PARD3: variants seen among roughly 807,000 people sequenced by gnomAD.
The protein encoded by PARD3 is partitioning defective 3 homolog.
In PARD3, 75 loss-of-function variants were observed where a neutral mutation model predicts 155.4. The observed-to-expected ratio is 0.48, with a 90% CI of 0.40 to 0.58. PARD3 has a LOEUF of 0.58. PARD3 is among the 20% of genes least tolerant of loss of function. The probability of loss-of-function intolerance (pLI) is 0.00; values close to 1 mark genes in which losing one functional copy is unlikely to be tolerated. For missense variants in PARD3, 1,642 were observed against 1,721.7 expected, an observed-to-expected ratio of 0.95 and a Z score of 0.82; for synonymous variants, 576 against 610.5, an observed-to-expected ratio of 0.94 and a Z score of 0.83.
At position 34,455,153 on chromosome 10, in the gene PARD3, T is replaced by C. The variant is rs1007907962; in HGVS notation, c.583-4705A>G. On this transcript the variant is annotated intron_variant, in intron 4 of 24. Coordinates refer to ENST00000374788, the MANE Select transcript of PARD3 (RefSeq NM_001184785.2). ...ATTATAGAAGTCATAAACATTTCTG[T>C]GTTGGCACAGGAAACCCAACTATGT... Among the ~76,000 whole-genome samples, 8 of 152,300 alleles carry C rather than the reference T, an allele frequency of 5.3e-5. No homozygotes were observed. In the South Asian group the frequency reaches 1.2e-3, roughly 24 times the overall value.
At chr10:34,611,620 C>A (rs993046085) in intron 2 of PARD3, among the ~76,000 whole-genome samples, 4 of 152,042 alleles carry the variant, frequency 2.6e-5, no homozygotes, top group African/African-American at 9.6e-5. Context: ...TAAGGCAAAT[C>A]GGAATACAAT....
At chr10:34,619,516 T>C (rs1360733981) in intron 2 of PARD3, among the ~76,000 whole-genome samples, 1 of 152,240 alleles carries the variant, frequency 6.6e-6, no homozygotes, top group Non-Finnish European at 1.5e-5. Flanking sequence ...TTTTATTGTA[T>C]AGAATTATAA....
At chr10:34,399,906 C>G (rs1843714895) in intron 6 of PARD3, among the ~76,000 whole-genome samples, 1 of 152,160 alleles carries the variant, frequency 6.6e-6, no homozygotes, top group South Asian at 2.1e-4. Context: ...ACAAAGTGCT[C>G]TTTTATATGT....
intron 2 of PARD3, among the ~76,000 whole-genome samples, chr10:34,650,842 T>C (rs1006930807): frequency 6.6e-6 from 1 of 151,476 alleles, no homozygotes; most frequent in Non-Finnish European, 1.5e-5. Context: ...AGAAATCTCG[T>C]CCCTACTAAA....
At chr10:34,256,589 C>T (rs954337093) in intron 22 of PARD3, among the ~76,000 whole-genome samples, 3 of 152,210 alleles carry the variant, frequency 2.0e-5, no homozygotes, top group African/African-American at 4.8e-5. Context: ...AAAGGAATCA[C>T]CTTGGAGGCA....
intron 22 of PARD3, among the ~76,000 whole-genome samples, chr10:34,254,377 T>TCAAAAACAAAAACAAAAA (rs142761750): frequency 7.0e-6 from 1 of 142,958 alleles, no homozygotes; most frequent in Non-Finnish European, 1.6e-5. Context: ...AGACTCTGTC[T>TCAAAAACAAAAACAAAAA]CAAAAACAAA....
At chr10:34,470,051 C>T (rs940577043) in intron 4 of PARD3, 34 bp downstream of exon 4, 3 of 1,536,644 alleles carry the variant, frequency 2.0e-6, no homozygotes, top group African/African-American at 2.8e-5. Context: ...TCAGGAGGGG[C>T]AAGAGACAGC....
intron 20 of PARD3, among the ~76,000 whole-genome samples, chr10:34,303,880 C>A (rs1018017920): frequency 1.3e-5 from 2 of 152,086 alleles, no homozygotes; most frequent in African/African-American, 4.8e-5. Flanking sequence ...CTAACACAGT[C>A]TGCGGAAAAG....
At chr10:34,525,593 A>G (rs763796130) in intron 2 of PARD3, among the ~76,000 whole-genome samples, 6 of 152,228 alleles carry the variant, frequency 3.9e-5, no homozygotes, top group Non-Finnish European at 7.3e-5. Context: ...TCTGTGAACA[A>G]TTTAGCTTGA....
intron 20 of PARD3, among the ~76,000 whole-genome samples, chr10:34,300,159 C>T (rs758503241): frequency 2.0e-5 from 3 of 152,086 alleles, no homozygotes; most frequent in Non-Finnish European, 4.4e-5. Context: ...GACACTGTTG[C>T]CCTGAAAAAC....
chr10:34,370,599 T>G (rs577085362), intron 12 of PARD3, among the ~76,000 whole-genome samples: 38 of 152,242 alleles, frequency 2.5e-4, no homozygotes, highest in Admixed American at 4.6e-4. Context: ...CATCCCTATC[T>G]TTACTACTTA....
intron 1 of PARD3, among the ~76,000 whole-genome samples, chr10:34,705,045 A>G (rs1590738351): frequency 6.6e-6 from 1 of 152,196 alleles, no homozygotes; most frequent in South Asian, 2.1e-4. Context: ...TTTAAGCCAA[A>G]AACAAACATT....
chr10:34,596,042 A>G (rs1450939000), intron 2 of PARD3, among the ~76,000 whole-genome samples: 5 of 152,222 alleles, frequency 3.3e-5, no homozygotes, highest in African/African-American at 1.2e-4. Flanking sequence ...TTGAAAAACA[A>G]TGGAAGTGGG....
At chr10:34,396,743 A>T (rs2132145908) in intron 7 of PARD3, among the ~76,000 whole-genome samples, 1 of 152,258 alleles carries the variant, frequency 6.6e-6, no homozygotes, top group South Asian at 2.1e-4. Context: ...TATCATGAAT[A>T]TATATTATTG....
intron 5 of PARD3, among the ~76,000 whole-genome samples, chr10:34,432,668 T>C (rs554578727): frequency 6.6e-6 from 1 of 152,238 alleles, no homozygotes; most frequent in African/African-American, 2.4e-5. Flanking sequence ...GCCCTTTTTA[T>C]TAGGGACCAC....
At chr10:34,251,304 G>C (rs1415510905) in intron 22 of PARD3, among the ~76,000 whole-genome samples, 1 of 152,158 alleles carries the variant, frequency 6.6e-6, no homozygotes, top group Non-Finnish European at 1.5e-5. Flanking sequence ...AAACCTTTTA[G>C]CTTTGAAATG....
chr10:34,362,439 T>A (rs1453521285), intron 12 of PARD3, among the ~76,000 whole-genome samples: 1 of 152,248 alleles, frequency 6.6e-6, no homozygotes, highest in Non-Finnish European at 1.5e-5. Context: ...CTTTGCTCTA[T>A]AAACATGAAT....
chr10:34,750,286 G>A (rs1470029312), intron 1 of PARD3, among the ~76,000 whole-genome samples: 3 of 151,982 alleles, frequency 2.0e-5, no homozygotes, highest in Non-Finnish European at 4.4e-5. Context: ...AAATAAAACA[G>A]TATATCTAAT....
intron 22 of PARD3, among the ~76,000 whole-genome samples, chr10:34,205,838 G>C (rs567334533): frequency 6.6e-6 from 1 of 152,286 alleles, no homozygotes; most frequent in African/African-American, 2.4e-5. Context: ...GTTGGCGGCA[G>C]GCAGACCACC....
Sources: gnomAD v4.1 joint callset for allele counts (sites outside exome capture counted in the v4.1 genomes callset) on GRCh38, gnomAD v4.1.1 for gene constraint, MANE v1.5 for transcripts, NCBI Gene and HGNC (gene_info 2026-07-23, HGNC 2026-07-21) for gene names.